GPR155: variants seen among roughly 807,000 people sequenced by gnomAD.
GPR155 encodes lysosomal cholesterol signaling protein.
In GPR155, 65 loss-of-function variants were observed where a neutral mutation model predicts 93.1. The observed-to-expected ratio is 0.70, with a 90% CI of 0.57 to 0.86. The LOEUF (loss-of-function observed/expected upper bound fraction) is 0.86. GPR155 is among the 40% of genes least tolerant of loss of function. GPR155 has a pLI of 0.00. For missense variants in GPR155, 838 were observed against 1,034.8 expected, an observed-to-expected ratio of 0.81 and a Z score of 2.61; for synonymous variants, 319 against 360.1, an observed-to-expected ratio of 0.89 and a Z score of 1.29.
intron 5 of GPR155, 148 bp downstream of exon 5, chr2:174,468,760 CAGTT>C (rs1687909483): frequency 2.9e-6 from 2 of 686,806 alleles, no homozygotes; most frequent in Non-Finnish European, 4.9e-6. Flanking sequence ...AAACAAAACT[CAGTT>C]AATCAGAAGG....
chr2:174,445,605 G>A lies in GPR155; in HGVS notation c.2014-429C>T, dbSNP rs184463032. 7.9e-5 allele frequency among the ~76,000 whole-genome samples: 12 copies of A among 152,148 alleles called. No individual in the cohort carries two copies. In the East Asian group the frequency reaches 2.3e-3, roughly 29 times the overall value. On this transcript the variant is annotated intron_variant, in intron 12 of 15. Transcript: ENST00000392552. ...ATTGGCTGATATCACACTATCTCAC[G>A]AGCATCCCAGTGTGCAAAGCGTTCC... is the stretch of plus-strand genomic sequence containing the variant.
chr2:174,467,603 T>G (rs567372736), intron 5 of GPR155, among the ~76,000 whole-genome samples: 4 of 152,336 alleles, frequency 2.6e-5, no homozygotes, highest in Admixed American at 1.3e-4. Flanking sequence ...TAGTGGGAGA[T>G]AGTTATAATA....
At chr2:174,486,300 T>C (rs950683307) in intron 1 of GPR155, among the ~76,000 whole-genome samples, 1 of 151,962 alleles carries the variant, frequency 6.6e-6, no homozygotes, top group African/African-American at 2.4e-5. Context: ...CGCAGAGAGT[T>C]CCTAACCGAA....
intron 11 of GPR155, among the ~76,000 whole-genome samples, chr2:174,447,891 T>A (rs1687187506): frequency 1.3e-5 from 2 of 150,090 alleles, no homozygotes; most frequent in South Asian, 4.2e-4. Context: ...TACATATAAT[T>A]TTAAAGGCCG....
chr2:174,435,219 G>C lies in GPR155; in HGVS notation c.*897C>G, dbSNP rs907745399. ...TACAGTTGACCCTCCATATGCACAGGTTCCACATCCATAGATTCAATCAAC... is the reference window on the plus strand; with the variant it reads ...TACAGTTGACCCTCCATATGCACAGCTTCCACATCCATAGATTCAATCAAC... On this transcript the variant is annotated 3_prime_UTR_variant, in exon 16 of 16. Transcript: ENST00000392552. 2.0e-5 allele frequency: 3 copies of C among 152,056 alleles called. No homozygotes were observed. The highest frequency in any genetic ancestry group is 4.8e-5 in the African/African-American group (2 of 41,396). 9.4% of individuals were successfully genotyped at this position (152,056 alleles called of 1,614,324 possible). A position where few individuals can be genotyped will look rare whatever the true frequency, so the allele number is the denominator to read the frequency against.
chr2:174,447,720 T>C (rs1172769479), intron 11 of GPR155, among the ~76,000 whole-genome samples: 1 of 147,382 alleles, frequency 6.8e-6, no homozygotes, highest in Non-Finnish European at 1.5e-5. Flanking sequence ...CTGCATGTGC[T>C]TACTTATAAG....
chr2:174,468,258 T>C (rs1687896394), intron 5 of GPR155, among the ~76,000 whole-genome samples: 2 of 152,216 alleles, frequency 1.3e-5, no homozygotes, highest in African/African-American at 4.8e-5. Flanking sequence ...AATATACATA[T>C]TCACCCCCAC....
At position 174,471,017 on chromosome 2, in the gene GPR155, A is replaced by G. The variant is rs74865362; in HGVS notation, c.861-462T>C. On this transcript the variant is annotated intron_variant, in intron 3 of 15. Transcript: ENST00000392552. ...TAGAGAGACAGAAACTCCTGTTTTG[A>G]AAAAAAAAAAAAAAAGCTGAACTTT... Among the ~76,000 whole-genome samples, 9 of 124,890 alleles carry G rather than the reference A, an allele frequency of 7.2e-5. No homozygotes were observed. In the East Asian group the frequency reaches 1.3e-3, roughly 18 times the overall value. 81.9% of individuals were successfully genotyped at this position (124,890 alleles called of 152,430 possible). A position where few individuals can be genotyped will look rare whatever the true frequency, so the allele number is the denominator to read the frequency against.
chr2:174,474,062 G>A (rs1688075625), intron 2 of GPR155, among the ~76,000 whole-genome samples: 1 of 152,194 alleles, frequency 6.6e-6, no homozygotes, highest in Admixed American at 6.5e-5. Flanking sequence ...AGGAGGTCAA[G>A]GAAATGACAG....
At chr2:174,470,175 A>T (rs969806164) in intron 4 of GPR155, among the ~76,000 whole-genome samples, 2 of 152,104 alleles carry the variant, frequency 1.3e-5, no homozygotes, top group African/African-American at 4.8e-5. Flanking sequence ...AGAAATTAAA[A>T]TGGGCTGGGC....
rs1165859692 is a variant in GPR155 at position 174,461,259 on chromosome 2, CAA to C, written c.1560+141_1560+142del. ...TAAAATGTTCATGTTCTAGATGAGA[CAA>C]AGTGATATAGGATCACCAATCTGAT... On this transcript the variant is annotated intron_variant, in intron 9 of 15. Transcript: ENST00000392552. 7 of 598,750 alleles carry C rather than the reference CAA, an allele frequency of 1.2e-5. No homozygotes were observed. The African/African-American group carries it at 1.3e-4, about 11-fold the overall frequency. The allele number at this position is 598,750 out of a possible 1,614,324, so 37.1% of individuals were successfully genotyped here. A position where few individuals can be genotyped will look rare whatever the true frequency, so the allele number is the denominator to read the frequency against.
intron 10 of GPR155, among the ~76,000 whole-genome samples, chr2:174,455,605 G>T (rs1381864851): frequency 6.6e-6 from 1 of 152,182 alleles, no homozygotes; most frequent in Non-Finnish European, 1.5e-5. Context: ...AGAGAGACTG[G>T]AGGCCCAAGT....
rs372210802 is a variant in GPR155, at chr2:174,478,629, G to GT, written c.460+2867dup. Among the ~76,000 whole-genome samples, 727 of 152,158 alleles carry GT rather than the reference G, an allele frequency of 4.8e-3. 3 individuals are homozygous for GT. The highest frequency in any genetic ancestry group is 0.017 in the African/African-American group (692 of 41,508). On this transcript the variant is annotated intron_variant, in intron 2 of 15. Transcript: ENST00000392552. ...GTCATAGTATGTAGCGAAAGAAAACGTAACTATCTTTTTTCTTTGTTCATT... is the reference window on the plus strand; with the variant it reads ...GTCATAGTATGTAGCGAAAGAAAACGTTAACTATCTTTTTTCTTTGTTCATT...
intron 10 of GPR155, among the ~76,000 whole-genome samples, chr2:174,457,760 T>C (rs1271084805): frequency 1.3e-5 from 2 of 150,786 alleles, no homozygotes; most frequent in Non-Finnish European, 3.0e-5. Flanking sequence ...AGGCCTTGAC[T>C]TTTTTTTTAA....
intron 11 of GPR155, among the ~76,000 whole-genome samples, chr2:174,450,137 A>G: frequency 6.7e-6 from 1 of 150,130 alleles, no homozygotes; most frequent in African/African-American, 2.4e-5. Context: ...CTGTCTTGAA[A>G]AAAAAAAAAA....
Position 174,481,526 on chromosome 2 carries a change from C to T in GPR155, c.431G>A (p.Ser144Asn), listed in dbSNP as rs138270160. Reference protein sequence around the residue: ...AGLFPIFATQSNDFALGYPIV... With the variant: ...AGLFPIFATQNNDFALGYPIV... ...AGGGTATCCCAATGCAAAGTCATTA[C>T]TTTGTGTAGCAAAAATAGGGAATAG... Residue 144 changes from serine to asparagine, a missense_variant, in exon 2 of 16, where the codon AGT becomes AAT. By Grantham distance (46) the Ser-to-Asn change is conservative. This residue lies in a region of GPR155 where 663 missense variants were observed against 790.1 expected (regional missense o/e 0.84). Coordinates refer to ENST00000392552, the MANE Select transcript of GPR155 (RefSeq NM_152529.7). 1.9e-6 allele frequency: 3 copies of T among 1,609,774 alleles called. No individual in the cohort carries two copies. The highest frequency in any genetic ancestry group is 1.7e-5 in the Admixed American group (1 of 59,628).
intron 9 of GPR155, 89 bp from the exon 10 acceptor site, chr2:174,460,177 T>TTTA: frequency 2.5e-6 from 2 of 796,694 alleles, no homozygotes; most frequent in East Asian, 5.8e-5. Context: ...TTTTTTTTTT[T>TTTA]TGAGATGGAG....
In GPR155 at chr2:174,461,579, C is replaced by A. The variant is rs1468921462; in HGVS notation, c.1469+9G>T. On this transcript the variant is annotated intron_variant, in intron 8 of 15. Transcript: ENST00000392552. ...AAAGGTGTAAGCAAACAGAGAACTA[C>A]CAACTTACCCCCAGCCAGATATTAT... is the stretch of plus-strand genomic sequence containing the variant. The A allele has an allele frequency of 6.3e-7, 1 of 1,595,530 alleles. No homozygotes were observed.
chr2:174,473,012 C>A lies in GPR155; in HGVS notation c.813G>T (p.Leu271=). 6.3e-7 allele frequency: 1 copy of A among 1,594,490 alleles called. No homozygotes were observed. Among genetic ancestry groups the A allele is most frequent in the Non-Finnish European group, 8.5e-7 (1 of 1,175,420 alleles). Residue 271 remains leucine (L), a synonymous_variant, in exon 3 of 16, where the codon CTG becomes CTT. Coordinates refer to ENST00000392552, the MANE Select transcript of GPR155 (RefSeq NM_152529.7). ...GLTMVGKIKR[L]KKSAFVVLIL... ...TTAGTACTACAAATGCCGACTTCTT[C>A]AGTCTCTTTATTTTTCCCACCATCG...
Sources: allele counts gnomAD v4.1 joint callset (sites outside exome capture counted in the v4.1 genomes callset), GRCh38; gene constraint gnomAD v4.1.1; regional missense constraint gnomAD v4.1.1; transcripts MANE v1.5; gene names NCBI Gene and HGNC (gene_info 2026-07-23, HGNC 2026-07-21).